The following USP16 variants were observed in gnomAD, a reference collection of about 807,000 sequenced individuals.
The protein encoded by USP16 is ubiquitin specific peptidase 16, also known as ubiquitin carboxyl-terminal hydrolase 16.
In USP16, 77 loss-of-function variants were observed where a neutral mutation model predicts 95.9. The observed-to-expected ratio is 0.80, with a 90% CI of 0.67 to 0.97. The LOEUF (loss-of-function observed/expected upper bound fraction) is 0.97. Ranked by LOEUF, USP16 falls within the 50% of genes least tolerant of loss-of-function variation. The pLI is 0.00. For missense variants in USP16, 943 were observed against 959.9 expected, an observed-to-expected ratio of 0.98 and a Z score of 0.23; for synonymous variants, 303 against 318.2, an observed-to-expected ratio of 0.95 and a Z score of 0.51.
intron 7 of USP16, 69 bp downstream of exon 7, chr21:29,038,499 A>G (rs1166280508): frequency 1.8e-6 from 2 of 1,139,068 alleles, no homozygotes; most frequent in Middle Eastern, 2.0e-4. Flanking sequence ...ATTATTTTAA[A>G]TAACTGACAC....
chr21:29,030,886 A>C, intron 3 of USP16, 113 bp downstream of exon 3: 10 of 1,245,228 alleles, frequency 8.0e-6, no homozygotes, highest in East Asian at 2.5e-5. Context: ...AACATAGATC[A>C]TGTTCTCTGG....
intron 2 of USP16, 80 bp downstream of exon 2, chr21:29,028,054 C>T: frequency 9.4e-7 from 1 of 1,058,468 alleles, no homozygotes; most frequent in Non-Finnish European, 1.4e-6. Context: ...TATAAAGCTG[C>T]ATATTATTGT....
At position 29,037,348 on chromosome 21, in the gene USP16, G is replaced by C; in HGVS notation, c.521G>C (p.Arg174Thr). ...LEKESKNEQE[R>T]EKKENMAKEN... ...AAAGAGAGTAAGAATGAACAAGAGAGAGAAAAGAAGGAAAACATGGCTAAA... is the reference window on the plus strand; with the variant it reads ...AAAGAGAGTAAGAATGAACAAGAGACAGAAAAGAAGGAAAACATGGCTAAA... Residue 174 changes from arginine (R) to threonine (T), a missense_variant, in exon 6 of 18, where the codon AGA (arginine) becomes ACA (threonine). Arg to Thr is a moderately conservative substitution (Grantham distance 71). Transcript: ENST00000399976. 1 of 1,602,592 alleles carries C rather than the reference G, an allele frequency of 6.2e-7. No individual in the cohort carries two copies. The highest frequency in any genetic ancestry group is 1.1e-5 in the South Asian group (1 of 89,282).
chr21:29,030,996 T>A (rs1187992701), intron 3 of USP16, among the ~76,000 whole-genome samples: 1 of 152,208 alleles, frequency 6.6e-6, no homozygotes, highest in Admixed American at 6.5e-5. Flanking sequence ...AGAAGTTGAA[T>A]GAAGAGGCAG....
intron 13 of USP16, among the ~76,000 whole-genome samples, chr21:29,044,447 C>CTTTTTTTT (rs5843364): frequency 8.3e-6 from 1 of 120,594 alleles, no homozygotes; most frequent in Non-Finnish European, 1.7e-5. Context: ...CTTCTTCATT[C>CTTTTTTTT]TTTTTTTTTT....
At chr21:29,031,578 C>T (rs1251980534) in intron 3 of USP16, among the ~76,000 whole-genome samples, 1 of 152,132 alleles carries the variant, frequency 6.6e-6, no homozygotes, top group Non-Finnish European at 1.5e-5. Flanking sequence ...GCTGGAATTA[C>T]AGGTGTGTGC....
chr21:29,044,844 A>C lies in USP16; in HGVS notation c.1356+1245A>C, dbSNP rs73344758. On this transcript the variant is annotated intron_variant, in intron 13 of 17. Coordinates refer to ENST00000399976, the MANE Select transcript of USP16 (RefSeq NM_006447.3). ...CATTTAACCATTTCTCTATTGATTT[A>C]GGTTGTTTCTAGTATTTTGCTATAA... Among the ~76,000 whole-genome samples the C allele has an allele frequency of 7.0e-3, 1,058 of 151,960 alleles. 9 individuals carry two copies. The highest frequency in any genetic ancestry group is 0.024 in the African/African-American group (1,011 of 41,428).
chr21:29,036,327 T>G lies in USP16; in HGVS notation c.401T>G (p.Val134Gly), dbSNP rs1232955772. ...QYCSSNQLGQ[V>G]VDYVRKQASI... Reference sequence around the variant, plus strand: ...TGTAGTTCAAACCAGTTGGGTCAAGTGGTTGATTATGTCAGAAAACAAGCC... The same window carrying G: ...TGTAGTTCAAACCAGTTGGGTCAAGGGGTTGATTATGTCAGAAAACAAGCC... The change falls in exon 5 of 18, where the codon GTG becomes GGG. Residue 134 changes from valine (V) to glycine (G), a missense_variant. By Grantham distance (109) the Val-to-Gly change is moderately radical (BLOSUM62 -3). Coordinates refer to ENST00000399976, the MANE Select transcript of USP16 (RefSeq NM_006447.3). The G allele has an allele frequency of 1.2e-6, 2 of 1,613,858 alleles. No homozygotes were observed. Among genetic ancestry groups the G allele is most frequent in the Non-Finnish European group, 1.7e-6 (2 of 1,179,942 alleles).
intron 16 of USP16, chr21:29,052,962 G>A (rs1461715144): frequency 6.6e-6 from 1 of 152,266 alleles, no homozygotes; most frequent in African/African-American, 2.4e-5. Context: ...CTCCAGCCTG[G>A]GTGACGGAGT....
At chr21:29,048,719 A>G in intron 14 of USP16, 42 bp from the exon 15 acceptor site, 1 of 1,518,020 alleles carries the variant, frequency 6.6e-7, no homozygotes, top group Non-Finnish European at 9.1e-7. Context: ...TTAGGGGTCT[A>G]AAATGATTTT....
intron 4 of USP16, among the ~76,000 whole-genome samples, chr21:29,035,168 T>G (rs563854436): frequency 1.9e-4 from 29 of 152,160 alleles, no homozygotes; most frequent in Non-Finnish European, 4.3e-4. Context: ...TTTACCCCTT[T>G]GTTTTTCTTG....
intron 3 of USP16, 122 bp downstream of exon 3, chr21:29,030,895 G>A: frequency 8.7e-7 from 1 of 1,148,162 alleles, no homozygotes; most frequent in Non-Finnish European, 1.2e-6. Flanking sequence ...CATGTTCTCT[G>A]GAGAACCAGT....
At position 29,030,670 on chromosome 21, in the gene USP16, A is replaced by G. The variant is rs757035957; in HGVS notation, c.137A>G (p.Asn46Ser). Residue 46 changes from asparagine (N) to serine (S), a missense_variant, in exon 3 of 18, where the codon AAT becomes AGT. Transcript: ENST00000399976. Reference protein sequence around the residue: ...LKKALVNVEWNICQDCKTDNK... With the variant: ...LKKALVNVEWSICQDCKTDNK... ...AAGGCTTTAGTGAATGTGGAATGGAATATCTGCCAAGACTGTAAGACTGAC... is the reference window on the plus strand; with the variant it reads ...AAGGCTTTAGTGAATGTGGAATGGAGTATCTGCCAAGACTGTAAGACTGAC... 2.5e-6 allele frequency: 4 copies of G among 1,613,962 alleles called. No individual in the cohort carries two copies. Among genetic ancestry groups the G allele is most frequent in the Admixed American group, 3.3e-5 (2 of 59,990 alleles).
chr21:29,042,941 G>C (rs576743862), intron 12 of USP16: 24 of 157,996 alleles, frequency 1.5e-4, no homozygotes, highest in African/African-American at 5.5e-4. Context: ...TATGAGTATT[G>C]GATAAATCAT....
At chr21:29,045,764 T>C (rs1033129545) in intron 13 of USP16, among the ~76,000 whole-genome samples, 4 of 152,142 alleles carry the variant, frequency 2.6e-5, no homozygotes, top group African/African-American at 4.8e-5. Flanking sequence ...GGGTGGTTTT[T>C]TGATGGTTGG....
At chr21:29,039,938 C>G (rs2085218767) in intron 9 of USP16, among the ~76,000 whole-genome samples, 1 of 152,116 alleles carries the variant, frequency 6.6e-6, no homozygotes, top group South Asian at 2.1e-4. Context: ...GTTTTTTGAA[C>G]CTAGGAAGTA....
At chr21:29,051,716 A>G (rs1253829566) in intron 16 of USP16, among the ~76,000 whole-genome samples, 3 of 152,140 alleles carry the variant, frequency 2.0e-5, no homozygotes, top group Non-Finnish European at 2.9e-5. Context: ...CTGTAATCCC[A>G]GCTACTCGGG....
rs964560777 is a variant in USP16, at chr21:29,042,118, A to T, written c.1122+14A>T. ...CAATGCAGAACTGTAAGTAGATGTC[A>T]TGTATACTGGGTTTATTTGCTAATA... is the stretch of plus-strand genomic sequence containing the variant. On this transcript the variant is annotated intron_variant, in intron 11 of 17. Coordinates refer to ENST00000399976, the MANE Select transcript of USP16 (RefSeq NM_006447.3). The T allele has an allele frequency of 1.9e-6, 3 of 1,598,156 alleles. No homozygotes were observed. The African/African-American group carries it at 4.0e-5, about 21-fold the overall frequency.
intron 5 of USP16, 28 bp downstream of exon 5, chr21:29,036,402 A>G (rs763889729): frequency 1.5e-5 from 24 of 1,596,284 alleles, no homozygotes; most frequent in Non-Finnish European, 1.7e-5. Context: ...TTTAATATAC[A>G]CCAAATGTCG....
Sources: gnomAD v4.1 joint callset for allele counts (sites outside exome capture counted in the v4.1 genomes callset) on GRCh38, gnomAD v4.1.1 for gene constraint, MANE v1.5 for transcripts, NCBI Gene and HGNC (gene_info 2026-07-23, HGNC 2026-07-21) for gene names.